CADPS: variants seen among roughly 807,000 people sequenced by gnomAD.
CADPS encodes the protein calcium dependent secretion activator.
Under a neutral mutation model 167.3 loss-of-function variants are expected in CADPS, and 57 were observed. The ratio of observed to expected loss-of-function variants is 0.34; its 90% confidence interval spans 0.28 to 0.42. CADPS has a LOEUF of 0.42. Among genes scored for constraint, CADPS ranks in the 20% least tolerant of loss-of-function variants. The probability of loss-of-function intolerance (pLI) is 1.00; values close to 1 mark genes in which losing one functional copy is unlikely to be tolerated. For synonymous variants in CADPS, 676 were observed against 635.3 expected, an observed-to-expected ratio of 1.06 and a Z score of -0.96; for missense variants, 1,414 against 1,738.1, an observed-to-expected ratio of 0.81 and a Z score of 3.32.
intron 8 of CADPS, among the ~76,000 whole-genome samples, chr3:62,579,182 G>A (rs2082899425): frequency 6.6e-6 from 1 of 152,210 alleles, no homozygotes; most frequent in African/African-American, 2.4e-5. Context: ...CTCTATTTTA[G>A]TCAAGCTTCA....
chr3:62,800,421 C>A (rs2152802079), intron 1 of CADPS, among the ~76,000 whole-genome samples: 1 of 152,210 alleles, frequency 6.6e-6, no homozygotes, highest in Admixed American at 6.5e-5. Flanking sequence ...AGGTACTAAT[C>A]ATTTGACTTT....
At chr3:62,557,091 T>G (rs1488366398) in intron 10 of CADPS, among the ~76,000 whole-genome samples, 1 of 151,944 alleles carries the variant, frequency 6.6e-6, no homozygotes, top group Non-Finnish European at 1.5e-5. Flanking sequence ...TTCAGAATTT[T>G]TTTTTTAGCA....
chr3:62,445,458 A>G (rs556383416), intron 27 of CADPS, among the ~76,000 whole-genome samples: 1 of 152,288 alleles, frequency 6.6e-6, no homozygotes, highest in East Asian at 1.9e-4. Flanking sequence ...AGGGTTGGTG[A>G]ACATGATGAA....
At chr3:62,567,247 T>C (rs1479407299) in intron 9 of CADPS, among the ~76,000 whole-genome samples, 1 of 152,122 alleles carries the variant, frequency 6.6e-6, no homozygotes, top group Non-Finnish European at 1.5e-5. Context: ...CTCAGAAATC[T>C]GAGAATGGTT....
At chr3:62,773,819 T>A (rs1003758969) in intron 1 of CADPS, among the ~76,000 whole-genome samples, 10 of 152,182 alleles carry the variant, frequency 6.6e-5, no homozygotes, top group Admixed American at 2.6e-4. Flanking sequence ...TGCTCATTTT[T>A]AAAAAATTTA....
At chr3:62,702,923 C>T (rs565353975) in intron 3 of CADPS, among the ~76,000 whole-genome samples, 2 of 152,186 alleles carry the variant, frequency 1.3e-5, no homozygotes, top group South Asian at 2.1e-4. Context: ...TCACCATTAG[C>T]CCCATTTCAT....
At chr3:62,773,875 G>C (rs114451773) in intron 1 of CADPS, among the ~76,000 whole-genome samples, 3,464 of 152,142 alleles carry the variant, frequency 0.023, 65 homozygotes, top group South Asian at 0.061. Flanking sequence ...AAAAAATGAG[G>C]TCAATTTTAA....
intron 11 of CADPS, among the ~76,000 whole-genome samples, chr3:62,541,369 A>C (rs1474241862): frequency 6.6e-6 from 1 of 152,158 alleles, no homozygotes; most frequent in African/African-American, 2.4e-5. Context: ...CGGGGGTTTA[A>C]TTGCATAAGG....
chr3:62,448,502 T>A (rs2057547389), intron 26 of CADPS, among the ~76,000 whole-genome samples: 1 of 152,126 alleles, frequency 6.6e-6, no homozygotes, highest in African/African-American at 2.4e-5. Flanking sequence ...TTGCACTTAG[T>A]CTTATTGATC....
chr3:62,525,019 ATCACATC>A (rs2071703043), intron 13 of CADPS, among the ~76,000 whole-genome samples: 1 of 152,182 alleles, frequency 6.6e-6, no homozygotes, highest in Admixed American at 6.5e-5. Context: ...GCTTTTTGAT[ATCACATC>A]CACTCTAAAA....
intron 11 of CADPS, 93 bp downstream of exon 11, chr3:62,549,810 T>C: frequency 1.0e-6 from 1 of 953,910 alleles, no homozygotes; most frequent in Non-Finnish European, 1.6e-6. Flanking sequence ...TTTATAAATT[T>C]TAAGTATAAA....
chr3:62,554,361 C>CA (rs1191943602), intron 10 of CADPS, among the ~76,000 whole-genome samples: 1 of 152,114 alleles, frequency 6.6e-6, no homozygotes, highest in Non-Finnish European at 1.5e-5. Flanking sequence ...CTGGGGGAAC[C>CA]ACGTAGATTG....
intron 6 of CADPS, among the ~76,000 whole-genome samples, chr3:62,637,498 T>C (rs1296344304): frequency 6.6e-6 from 1 of 152,188 alleles, no homozygotes; most frequent in Non-Finnish European, 1.5e-5. Context: ...TGCTGATGTA[T>C]GTGGGTCGAA....
chr3:62,824,689 A>T (rs2918037), intron 1 of CADPS, among the ~76,000 whole-genome samples: 47,601 of 151,942 alleles, frequency 0.31, 8,819 homozygotes, highest in African/African-American at 0.51. Context: ...ACCACTTTTT[A>T]AAAAAAAGGT....
chr3:62,522,058 C>T (rs1577164417), intron 13 of CADPS, among the ~76,000 whole-genome samples: 1 of 152,104 alleles, frequency 6.6e-6, no homozygotes, highest in South Asian at 2.1e-4. Flanking sequence ...TTGATCTTGT[C>T]TGTTTCTTAG....
chr3:62,679,907 TG>T (rs1202882010), intron 3 of CADPS, among the ~76,000 whole-genome samples: 13 of 151,998 alleles, frequency 8.6e-5, no homozygotes, highest in Non-Finnish European at 1.9e-4. Flanking sequence ...AATAAAGCTG[TG>T]TCATATTTGT....
chr3:62,757,226 T>C (rs191075314), intron 2 of CADPS, among the ~76,000 whole-genome samples: 163 of 152,270 alleles, frequency 1.1e-3, no homozygotes, highest in African/African-American at 3.7e-3. Flanking sequence ...TCTATGCACA[T>C]TAGTATCCCA....
At chr3:62,747,775 T>C (rs902277072) in intron 3 of CADPS, among the ~76,000 whole-genome samples, 26 of 152,188 alleles carry the variant, frequency 1.7e-4, no homozygotes, top group Non-Finnish European at 3.8e-4. Context: ...TATCGTCTTA[T>C]CCTATTAGTT....
Position 62,446,427 on chromosome 3 carries a change from C to T in CADPS, c.3637-630G>A, listed in dbSNP as rs1012437984. ...GTTTTGTGGGGAGGGAGTATGGTAGCGTGCTAGAGTGTTATGTTTGAGAGC... is the reference window on the plus strand; with the variant it reads ...GTTTTGTGGGGAGGGAGTATGGTAGTGTGCTAGAGTGTTATGTTTGAGAGC... On this transcript the variant is annotated intron_variant, in intron 26 of 29. Transcript: ENST00000383710. This position sits in a 1 kb window ranked among gnomAD's most constrained non-coding sequence, Gnocchi z 4.9. Among the ~76,000 whole-genome samples, 1 of 152,026 alleles carries T rather than the reference C, an allele frequency of 6.6e-6. No individual in the cohort carries two copies.
Sources: allele counts gnomAD v4.1 joint callset (sites outside exome capture counted in the v4.1 genomes callset), GRCh38; gene constraint gnomAD v4.1.1; non-coding constraint Gnocchi (gnomAD v3.1); transcripts MANE v1.5; gene names NCBI Gene and HGNC (gene_info 2026-07-23, HGNC 2026-07-21).